SLMAP: variants seen among roughly 807,000 people sequenced by gnomAD.
SLMAP encodes the protein sarcolemma associated protein, also known as sarcolemmal membrane-associated protein.
SLMAP carries 44 observed loss-of-function variants against 128.8 expected under a neutral mutation model. The observed-to-expected ratio is 0.34, with a 90% CI of 0.27 to 0.44. SLMAP has a LOEUF of 0.44. Among genes scored for constraint, SLMAP ranks in the 20% least tolerant of loss-of-function variants. SLMAP has a pLI of 1.00. For synonymous variants in SLMAP, 327 were observed against 348.8 expected, an observed-to-expected ratio of 0.94 and a Z score of 0.70; for missense variants, 787 against 985.3, an observed-to-expected ratio of 0.80 and a Z score of 2.69.
At chr3:57,761,846 G>A (rs1390156400) in intron 2 of SLMAP, among the ~76,000 whole-genome samples, 1 of 150,120 alleles carries the variant, frequency 6.7e-6, no homozygotes, top group Non-Finnish European at 1.5e-5. Context: ...AGGAGATCGA[G>A]ACCATCCTGG....
In SLMAP at chr3:57,878,484, A is replaced by G. The variant is rs532212337; in HGVS notation, c.1300+6786A>G. On this transcript the variant is annotated intron_variant, in intron 14 of 24. Coordinates refer to ENST00000671191, the MANE Select transcript of SLMAP (RefSeq NM_001377540.1). ...TAACTCATTTCTGTTTATGATGTTT[A>G]GAATTCAATCAGAGGGATCTTGATG... Among the ~76,000 whole-genome samples, 59 of 152,326 alleles carry G rather than the reference A, an allele frequency of 3.9e-4. No homozygotes were observed. The Middle Eastern group carries it at 0.01, about 26-fold the overall frequency.
chr3:57,784,251 C>T (rs2083627058), intron 2 of SLMAP, among the ~76,000 whole-genome samples: 1 of 152,120 alleles, frequency 6.6e-6, no homozygotes, highest in South Asian at 2.1e-4. Flanking sequence ...CATAAGACTC[C>T]AACCTGTGAG....
chr3:57,878,773 T>A (rs1433427242), intron 14 of SLMAP, among the ~76,000 whole-genome samples: 1 of 152,178 alleles, frequency 6.6e-6, no homozygotes, highest in Non-Finnish European at 1.5e-5. Flanking sequence ...TTTAAAAAAT[T>A]TGGTGTCAAG....
intron 2 of SLMAP, among the ~76,000 whole-genome samples, chr3:57,811,175 C>T (rs573198586): frequency 3.3e-5 from 5 of 151,990 alleles, no homozygotes; most frequent in Non-Finnish European, 7.4e-5. Context: ...CCATTATCAC[C>T]ATTCATCTCC....
At chr3:57,910,041 G>C in intron 19 of SLMAP, among the ~76,000 whole-genome samples, 1 of 151,946 alleles carries the variant, frequency 6.6e-6, no homozygotes, top group East Asian at 1.9e-4. Context: ...GAGTTATGTC[G>C]TGAGTTCCTA....
intron 2 of SLMAP, among the ~76,000 whole-genome samples, chr3:57,759,975 C>T (rs1476556668): frequency 2.6e-5 from 4 of 152,016 alleles, no homozygotes; most frequent in Non-Finnish European, 5.9e-5. Context: ...GAGTCTCGCT[C>T]TGTGGCCAGG....
In SLMAP at chr3:57,757,556, T is replaced by G; in HGVS notation, c.-96T>G. 1 of 1,089,840 alleles carries G rather than the reference T, an allele frequency of 9.2e-7. No individual in the cohort carries two copies. Among genetic ancestry groups the G allele is most frequent in the Admixed American group, 2.0e-5 (1 of 49,866 alleles). The allele number at this position is 1,089,840 out of a possible 1,614,324, so 67.5% of individuals were successfully genotyped here. Reference sequence around the variant, plus strand: ...TGCAGTTTGTGTTAATTTAAAATTTTGGGTGGGATAGGGGCATAGGCTTGT... The same window carrying G: ...TGCAGTTTGTGTTAATTTAAAATTTGGGGTGGGATAGGGGCATAGGCTTGT... On this transcript the variant is annotated 5_prime_UTR_variant, in exon 2 of 25. Coordinates refer to ENST00000671191, the MANE Select transcript of SLMAP (RefSeq NM_001377540.1).
intron 2 of SLMAP, among the ~76,000 whole-genome samples, chr3:57,793,784 G>T (rs1305202570): frequency 6.6e-6 from 1 of 151,798 alleles, no homozygotes; most frequent in Non-Finnish European, 1.5e-5. Context: ...TTTAAAGCTG[G>T]TGCGGTGACT....
chr3:57,927,384 C>T lies in SLMAP; in HGVS notation c.*95C>T. The T allele has an allele frequency of 6.4e-7, 1 of 1,572,132 alleles. No individual in the cohort carries two copies. The highest frequency in any genetic ancestry group is 8.7e-7 in the Non-Finnish European group (1 of 1,148,004). On this transcript the variant is annotated 3_prime_UTR_variant, in exon 25 of 25. Coordinates refer to ENST00000671191, the MANE Select transcript of SLMAP (RefSeq NM_001377540.1). Reference sequence around the variant, plus strand: ...GTGCCAGGTCTGGCCAGAGCTTCTCCATGAGAGCGTTCCTTGAGTCCGTAC... The same window carrying T: ...GTGCCAGGTCTGGCCAGAGCTTCTCTATGAGAGCGTTCCTTGAGTCCGTAC...
At chr3:57,792,537 T>G (rs2085714260) in intron 2 of SLMAP, among the ~76,000 whole-genome samples, 1 of 152,108 alleles carries the variant, frequency 6.6e-6, no homozygotes, top group African/African-American at 2.4e-5. Flanking sequence ...CAGTATTGGT[T>G]TTGTCTATTC....
At chr3:57,870,786 G>A (rs527997115) in intron 13 of SLMAP, among the ~76,000 whole-genome samples, 1 of 152,292 alleles carries the variant, frequency 6.6e-6, no homozygotes, top group East Asian at 1.9e-4. Context: ...TTTCCAAGTA[G>A]TCATTATGTC....
intron 2 of SLMAP, among the ~76,000 whole-genome samples, chr3:57,760,873 A>G (rs556391294): frequency 6.6e-6 from 1 of 152,198 alleles, no homozygotes; most frequent in South Asian, 2.1e-4. Flanking sequence ...GACTACAGGC[A>G]TGCGCCACCA....
chr3:57,897,389 T>C (rs1242301478), intron 17 of SLMAP: 2 of 161,318 alleles, frequency 1.2e-5, no homozygotes, highest in Non-Finnish European at 2.7e-5. Context: ...TTCTAGAAAT[T>C]TTGGGCTAAG....
intron 6 of SLMAP, among the ~76,000 whole-genome samples, chr3:57,853,076 A>C (rs1468609360): frequency 6.6e-6 from 1 of 152,234 alleles, no homozygotes; most frequent in Non-Finnish European, 1.5e-5. Context: ...GAATTGAATT[A>C]AAAAGGTGAA....
rs769966204 is a variant in SLMAP at position 57,871,605 on chromosome 3, A to C, written c.1238-31A>C. On this transcript the variant is annotated intron_variant, in intron 13 of 24. Coordinates refer to ENST00000671191, the MANE Select transcript of SLMAP (RefSeq NM_001377540.1). ...TGGTTTTCAAAGACAGCAACAAACTATATCCTTAAAGGTGTTTCTTTCTTT... is the reference window on the plus strand; with the variant it reads ...TGGTTTTCAAAGACAGCAACAAACTCTATCCTTAAAGGTGTTTCTTTCTTT... The C allele has an allele frequency of 1.9e-6, 3 of 1,579,302 alleles. No individual in the cohort carries two copies. In the South Asian group the frequency reaches 3.3e-5, roughly 18 times the overall value.
At chr3:57,777,932 A>AT (rs1283711898) in intron 2 of SLMAP, among the ~76,000 whole-genome samples, 22 of 152,238 alleles carry the variant, frequency 1.4e-4, no homozygotes, top group African/African-American at 5.1e-4. Context: ...TCATTGATTG[A>AT]TTTTTGAATG....
At position 57,782,621 on chromosome 3, in the gene SLMAP, C is replaced by T. The variant is rs559223336; in HGVS notation, c.198+24772C>T. Among the ~76,000 whole-genome samples the T allele has an allele frequency of 3.9e-5, 6 of 152,222 alleles. No homozygotes were observed. In the South Asian group the frequency reaches 1.2e-3, roughly 32 times the overall value. On this transcript the variant is annotated intron_variant, in intron 2 of 24. Transcript: ENST00000671191. ...CCAAGTAGCTGGGACTACAGGTGTG[C>T]ACCACCATGCCTGGCTAATTTTTTT...
chr3:57,918,689 TG>T (rs2096859586), intron 22 of SLMAP, among the ~76,000 whole-genome samples: 1 of 152,234 alleles, frequency 6.6e-6, no homozygotes. Flanking sequence ...TTCTTATCTC[TG>T]TGTAATCCAC....
chr3:57,900,908 TC>T (rs1469953573), intron 17 of SLMAP: 1 of 152,128 alleles, frequency 6.6e-6, no homozygotes, highest in Non-Finnish European at 1.5e-5. Flanking sequence ...TGCCTCAACA[TC>T]CCCACAAACA....
Sources: gnomAD v4.1 joint callset for allele counts (sites outside exome capture counted in the v4.1 genomes callset) on GRCh38, gnomAD v4.1.1 for gene constraint, MANE v1.5 for transcripts, NCBI Gene and HGNC (gene_info 2026-07-23, HGNC 2026-07-21) for gene names.